The following ZRANB1 variants were observed in gnomAD, a reference collection of about 807,000 sequenced individuals.
ZRANB1 encodes ubiquitin thioesterase ZRANB1.
A neutral mutation model predicts 80.5 loss-of-function variants in ZRANB1; 16 were observed. That is an observed-to-expected ratio of 0.20 (90% CI 0.13 to 0.30). ZRANB1 has a LOEUF of 0.30. ZRANB1 is among the 10% of genes least tolerant of loss of function. The pLI, the probability that ZRANB1 is intolerant of heterozygous loss-of-function variation, is 1.00. For missense variants in ZRANB1, 576 were observed against 862.6 expected, an observed-to-expected ratio of 0.67 and a Z score of 4.16; for synonymous variants, 291 against 293.1, an observed-to-expected ratio of 0.99 and a Z score of 0.07.
In ZRANB1 at chr10:124,985,598, G is replaced by C. The variant is rs191203006; in HGVS notation, c.*606G>C. The C allele has an allele frequency of 2.0e-5, 3 of 152,756 alleles. No individual in the cohort carries two copies. The highest frequency in any genetic ancestry group is 1.9e-4 in the East Asian group (1 of 5,194). The allele number at this position is 152,756 out of a possible 1,614,324, so 9.5% of individuals were successfully genotyped here. A position where few individuals can be genotyped will look rare whatever the true frequency, so the allele number is the denominator to read the frequency against. On this transcript the variant is annotated 3_prime_UTR_variant, in exon 9 of 9. Coordinates refer to ENST00000359653, the MANE Select transcript of ZRANB1 (RefSeq NM_017580.3). Reference sequence around the variant, plus strand: ...AGAAAAGCTAAGAATGTTTTAGAGTGAACTAAATACAGACATTGCTTACTT... The same window carrying C: ...AGAAAAGCTAAGAATGTTTTAGAGTCAACTAAATACAGACATTGCTTACTT...
the ZRANB1 span, among the ~76,000 whole-genome samples, chr10:124,923,475 T>C: frequency 6.6e-6 from 1 of 151,712 alleles, no homozygotes; most frequent in African/African-American, 2.4e-5. Context: ...GCACCTGTAA[T>C]CCCAGCACTT....
intron 1 of ZRANB1, among the ~76,000 whole-genome samples, chr10:124,947,736 C>T (rs1050629441): frequency 5.3e-5 from 8 of 152,148 alleles, no homozygotes; most frequent in African/African-American, 1.9e-4. Flanking sequence ...CCTTGGCCCT[C>T]CTTGATTCTT....
rs1951968574 is a variant in ZRANB1 at position 124,983,961 on chromosome 10, TGA to T, written c.1908+275_1908+276del. Among the ~76,000 whole-genome samples, 1 of 151,986 alleles carries T rather than the reference TGA, an allele frequency of 6.6e-6. No homozygotes were observed. Among genetic ancestry groups the T allele is most frequent in the Non-Finnish European group, 1.5e-5 (1 of 68,016 alleles). ...ATATGGCATTTTAGGGAATGAGAAG[TGA>T]GTTTTTATCTGAAAGCAGAGTTCCA... On this transcript the variant is annotated intron_variant, in intron 8 of 8. Coordinates refer to ENST00000359653, the MANE Select transcript of ZRANB1 (RefSeq NM_017580.3). This position sits in a 1 kb window ranked among gnomAD's most constrained non-coding sequence, Gnocchi z 6.2.
chr10:124,982,810 CTT>C (rs980130947), intron 6 of ZRANB1, among the ~76,000 whole-genome samples: 1 of 150,386 alleles, frequency 6.6e-6, no homozygotes, highest in Admixed American at 6.8e-5. Flanking sequence ...TTCAGGAGGA[CTT>C]TGTTGTAGGT....
intron 5 of ZRANB1, among the ~76,000 whole-genome samples, chr10:124,977,711 G>GAAAAAAAAAA: frequency 2.1e-5 from 1 of 48,722 alleles, no homozygotes; most frequent in Middle Eastern, 9.8e-3. Flanking sequence ...ACCCTGCTAA[G>GAAAAAAAAAA]AAAAAAAAAA....
chr10:124,939,641 A>G (rs1951517742), upstream of ZRANB1, among the ~76,000 whole-genome samples: 1 of 152,240 alleles, frequency 6.6e-6, no homozygotes, highest in Non-Finnish European at 1.5e-5. Flanking sequence ...TTGAATGTGA[A>G]TATTTTAAAA....
At position 124,984,841 on chromosome 10, in the gene ZRANB1, G is replaced by C. The variant is rs1951997664; in HGVS notation, c.1976G>C (p.Gly659Ala). The stretch of plus-strand genomic sequence containing the variant: ...CTGGACTGCTGTGTGACGGAGGGGG[G>C]AGTTCTGGTTGCCATGCAGAAGAGT... ...EWLDCCVTEG[G>A]VLVAMQKSSR... Residue 659 changes from glycine (G) to alanine (A), a missense_variant, in exon 9 of 9, where the codon GGA becomes GCA. Gly to Ala is a moderately conservative substitution (Grantham distance 60, BLOSUM62 0). Transcript: ENST00000359653. The C allele has an allele frequency of 1.2e-6, 2 of 1,613,882 alleles. No homozygotes were observed. The highest frequency in any genetic ancestry group is 1.7e-5 in the Admixed American group (1 of 59,976).
chr10:124,951,240 A>AT (rs1405299333), intron 1 of ZRANB1, among the ~76,000 whole-genome samples: 1 of 152,156 alleles, frequency 6.6e-6, no homozygotes, highest in Non-Finnish European at 1.5e-5. Flanking sequence ...TTCTATAATG[A>AT]TTTTTTTAAA....
the ZRANB1 span, among the ~76,000 whole-genome samples, chr10:124,926,078 T>C: frequency 6.6e-6 from 1 of 152,032 alleles, no homozygotes. Context: ...AAAAGCACAG[T>C]AGAAATATGG....
chr10:124,975,200 AT>A lies in ZRANB1; in HGVS notation c.1427+806del, dbSNP rs151000359. 7.0e-3 allele frequency among the ~76,000 whole-genome samples: 1,062 copies of A among 151,992 alleles called. 17 individuals are homozygous for A. Among genetic ancestry groups the A allele is most frequent in the African/African-American group, 0.024 (1,005 of 41,416 alleles). On this transcript the variant is annotated intron_variant, in intron 5 of 8. Coordinates refer to ENST00000359653, the MANE Select transcript of ZRANB1 (RefSeq NM_017580.3). The stretch of plus-strand genomic sequence containing the variant: ...TAAGATCACATTTTTTATTTTGCAA[AT>A]TTTCAAACCCATGGAATAATTTTAA...
At chr10:124,917,204 C>T in the ZRANB1 span, 1 of 172,700 alleles carries the variant, frequency 5.8e-6, no homozygotes, top group Non-Finnish European at 1.2e-5. Context: ...GCCGCCGCCG[C>T]CGCCGCCGCC....
intron 1 of ZRANB1, among the ~76,000 whole-genome samples, chr10:124,946,998 T>G (rs1951591069): frequency 6.6e-6 from 1 of 152,198 alleles, no homozygotes; most frequent in Non-Finnish European, 1.5e-5. Context: ...GGAAAAAAAT[T>G]GCAACCTCAG....
the ZRANB1 span, among the ~76,000 whole-genome samples, chr10:124,923,941 C>CA: frequency 0.14 from 21,409 of 148,558 alleles, 1,610 homozygotes; most frequent in East Asian, 0.21. Flanking sequence ...TATCTCTTAC[C>CA]AAAAAAAAAG....
chr10:124,966,999 TG>T (rs1427480920), intron 2 of ZRANB1, among the ~76,000 whole-genome samples: 3 of 152,238 alleles, frequency 2.0e-5, no homozygotes, highest in Admixed American at 1.3e-4. Flanking sequence ...TCATCATGTT[TG>T]GTTCATACAA....
chr10:124,954,011 G>T (rs1053520627), intron 1 of ZRANB1, among the ~76,000 whole-genome samples: 1 of 151,270 alleles, frequency 6.6e-6, no homozygotes, highest in South Asian at 2.1e-4. Context: ...TGTTGCCCAG[G>T]CTGGAGTGCA....
the ZRANB1 span, among the ~76,000 whole-genome samples, chr10:124,932,103 T>C: frequency 2.7e-3 from 414 of 152,318 alleles, no homozygotes; most frequent in Non-Finnish European, 2.5e-3. Flanking sequence ...CTTAGTAGTA[T>C]GCATTTAAGG....
At chr10:124,946,137 G>A (rs775677064) in intron 1 of ZRANB1, among the ~76,000 whole-genome samples, 11 of 152,128 alleles carry the variant, frequency 7.2e-5, no homozygotes, top group Non-Finnish European at 1.5e-4. Flanking sequence ...GTGGAACAAG[G>A]CCAGGCACAG....
At chr10:124,976,454 T>C (rs969118825) in intron 5 of ZRANB1, among the ~76,000 whole-genome samples, 3 of 152,176 alleles carry the variant, frequency 2.0e-5, no homozygotes, top group Non-Finnish European at 4.4e-5. Context: ...TTTTGGTTAA[T>C]GTCACTCTGC....
intron 2 of ZRANB1, 97 bp from the exon 3 acceptor site, chr10:124,971,868 G>C: frequency 8.3e-7 from 1 of 1,204,484 alleles, no homozygotes. Context: ...AAAACCTTGA[G>C]TTATTGGGAA....
Sources: gnomAD v4.1 joint callset for allele counts (sites outside exome capture counted in the v4.1 genomes callset) on GRCh38, gnomAD v4.1.1 for gene constraint, Gnocchi (gnomAD v3.1) non-coding constraint, MANE v1.5 for transcripts, NCBI Gene and HGNC (gene_info 2026-07-23, HGNC 2026-07-21) for gene names.